CPNE4: variants seen among roughly 807,000 people sequenced by gnomAD.
CPNE4 encodes copine 4, also known as copine-4.
In CPNE4, 25 loss-of-function variants were observed where a neutral mutation model predicts 67.9. The observed-to-expected ratio is 0.37, with a 90% CI of 0.27 to 0.51. The LOEUF is 0.51. Ranked by LOEUF, CPNE4 falls within the 20% of genes least tolerant of loss-of-function variation. CPNE4 has a pLI of 0.93. For synonymous variants in CPNE4, 242 were observed against 244.9 expected (o/e 0.99, Z 0.11); for missense variants, 464 against 690.8 (o/e 0.67, Z 3.68).
intron 7 of CPNE4, among the ~76,000 whole-genome samples, chr3:131,630,317 C>T (rs940767740): frequency 2.0e-5 from 3 of 152,162 alleles, no homozygotes; most frequent in African/African-American, 4.8e-5. Context: ...AGTAATGTAA[C>T]ATTTTCAGAC....
chr3:131,890,541 C>T (rs2088074204), intron 2 of CPNE4, among the ~76,000 whole-genome samples: 1 of 151,572 alleles, frequency 6.6e-6, no homozygotes. Flanking sequence ...TATGGCGGTT[C>T]CTCAAAAAAT....
chr3:131,724,721 C>T (rs1001797821), intron 2 of CPNE4, among the ~76,000 whole-genome samples: 5 of 152,110 alleles, frequency 3.3e-5, no homozygotes, highest in Non-Finnish European at 7.3e-5. Flanking sequence ...GTAGTAATGG[C>T]TTCCTGTTGT....
intron 1 of CPNE4, among the ~76,000 whole-genome samples, chr3:131,994,772 TTTTTAAAAA>T (rs2073247908): frequency 6.6e-6 from 1 of 152,192 alleles, no homozygotes; most frequent in Non-Finnish European, 1.5e-5. Context: ...ATAAAACAGA[TTTTTAAAAA>T]CCTTTTCTAT....
intron 1 of CPNE4, among the ~76,000 whole-genome samples, chr3:131,978,233 T>A (rs2072750939): frequency 6.4e-5 from 1 of 15,740 alleles, no homozygotes; most frequent in African/African-American, 4.8e-4. Context: ...ATTTACATAT[T>A]TATATATATT....
At chr3:131,835,161 A>G (rs1467634698) in intron 2 of CPNE4, among the ~76,000 whole-genome samples, 1 of 152,148 alleles carries the variant, frequency 6.6e-6, no homozygotes, top group South Asian at 2.1e-4. Flanking sequence ...TTCCCTATAT[A>G]TTTTTGTCTC....
At chr3:131,702,489 T>C (rs754388197) in intron 3 of CPNE4, among the ~76,000 whole-genome samples, 1 of 152,158 alleles carries the variant, frequency 6.6e-6, no homozygotes, top group Non-Finnish European at 1.5e-5. Flanking sequence ...GGACAACATC[T>C]GACTAAAGAA....
intron 2 of CPNE4, among the ~76,000 whole-genome samples, chr3:131,869,897 G>A (rs1378390251): frequency 6.6e-6 from 1 of 152,088 alleles, no homozygotes; most frequent in Admixed American, 6.5e-5. Context: ...TTCTCTCATG[G>A]GGCCTGTAGC....
At chr3:131,571,443 C>A (rs1937332590) in intron 10 of CPNE4, among the ~76,000 whole-genome samples, 1 of 152,168 alleles carries the variant, frequency 6.6e-6, no homozygotes, top group Non-Finnish European at 1.5e-5. Context: ...CCTGAAAGTA[C>A]CTCTGACGTG....
At chr3:131,948,861 G>GA (rs1224134410) in intron 1 of CPNE4, among the ~76,000 whole-genome samples, 16 of 151,810 alleles carry the variant, frequency 1.1e-4, no homozygotes, top group African/African-American at 1.5e-4. Context: ...TTCCATGCAG[G>GA]AAAAAAACAC....
chr3:131,581,786 G>A, intron 8 of CPNE4, 121 bp from the exon 9 acceptor site: 1 of 709,374 alleles, frequency 1.4e-6, no homozygotes, highest in Non-Finnish European at 2.5e-6. Context: ...TAGTCTCTAG[G>A]TGGTAACTCT....
intron 2 of CPNE4, among the ~76,000 whole-genome samples, chr3:131,792,702 CACACACGTGTATATATGTATATATAT>C (rs2083790987): frequency 2.9e-5 from 1 of 34,590 alleles, no homozygotes; most frequent in African/African-American, 9.3e-5. Context: ...TATACATATA[CACACACGTGTATATATGTATATATAT>C]ACACGTGTGT....
chr3:131,727,399 C>A (rs1266071536), intron 2 of CPNE4, among the ~76,000 whole-genome samples: 1 of 151,942 alleles, frequency 6.6e-6, no homozygotes, highest in Non-Finnish European at 1.5e-5. Flanking sequence ...TCAAGACCAT[C>A]CTGCCTAACA....
intron 3 of CPNE4, among the ~76,000 whole-genome samples, chr3:131,717,194 G>A (rs2081719038): frequency 6.6e-6 from 1 of 151,076 alleles, no homozygotes; most frequent in African/African-American, 2.4e-5. Context: ...TAGTACAAAT[G>A]CATTTGTCTG....
At chr3:132,005,336 TATATATACACAC>T (rs1310086457) in intron 1 of CPNE4, among the ~76,000 whole-genome samples, 334 of 24,328 alleles carry the variant, frequency 0.014, 2 homozygotes, top group East Asian at 0.039. Context: ...TATATATATA[TATATATACACAC>T]ACACACACAC....
At chr3:131,955,626 G>GACCAAT (rs2071942199) in intron 1 of CPNE4, among the ~76,000 whole-genome samples, 1 of 151,718 alleles carries the variant, frequency 6.6e-6, no homozygotes, top group Admixed American at 6.6e-5. Flanking sequence ...TTTGACCAAT[G>GACCAAT]GGAAGCAAGA....
At chr3:131,918,125 G>C (rs2070626537) in intron 1 of CPNE4, among the ~76,000 whole-genome samples, 1 of 152,200 alleles carries the variant, frequency 6.6e-6, no homozygotes, top group African/African-American at 2.4e-5. Context: ...TGAGAAAATT[G>C]AGATTCAGAA....
At chr3:131,556,575 C>T (rs533758321) in intron 11 of CPNE4, among the ~76,000 whole-genome samples, 1 of 152,110 alleles carries the variant, frequency 6.6e-6, no homozygotes, top group South Asian at 2.1e-4. Flanking sequence ...TGTCTTCTGC[C>T]TCAACTGCCC....
intron 7 of CPNE4, among the ~76,000 whole-genome samples, chr3:131,624,726 T>C (rs1374455921): frequency 6.6e-6 from 1 of 152,150 alleles, no homozygotes; most frequent in Non-Finnish European, 1.5e-5. Flanking sequence ...AGGCAAACAT[T>C]GCCTGTGCTT....
chr3:131,843,074 T>C (rs1012812844), intron 2 of CPNE4, among the ~76,000 whole-genome samples: 2 of 152,176 alleles, frequency 1.3e-5, no homozygotes, highest in East Asian at 3.8e-4. Context: ...AATTTGCCCA[T>C]AGTAAAAATA....
Sources: allele counts gnomAD v4.1 joint callset (sites outside exome capture counted in the v4.1 genomes callset), GRCh38; gene constraint gnomAD v4.1.1; transcripts MANE v1.5; gene names NCBI Gene and HGNC (gene_info 2026-07-23, HGNC 2026-07-21).